ZNF407: variants seen among roughly 807,000 people sequenced by gnomAD.
ZNF407 encodes zinc finger protein 407.
A neutral mutation model predicts 131.2 loss-of-function variants in ZNF407; 17 were observed. The observed-to-expected ratio is 0.13, with a 90% CI of 0.09 to 0.19. The LOEUF (loss-of-function observed/expected upper bound fraction) is 0.19. Ranked by LOEUF, ZNF407 falls within the 10% of genes least tolerant of loss-of-function variation. ZNF407 has a pLI of 1.00. For missense variants in ZNF407, 2,681 were observed against 2,830.6 expected, an observed-to-expected ratio of 0.95 and a Z score of 1.20; for synonymous variants, 1,156 against 1,062.0, an observed-to-expected ratio of 1.09 and a Z score of -1.72.
intron 4 of ZNF407, among the ~76,000 whole-genome samples, chr18:74,795,221 C>T (rs921213542): frequency 6.6e-6 from 1 of 152,080 alleles, no homozygotes; most frequent in Non-Finnish European, 1.5e-5. Flanking sequence ...TGTGTAGGAG[C>T]TGATTTTATA....
At chr18:74,827,031 T>A (rs1568232405) in intron 4 of ZNF407, among the ~76,000 whole-genome samples, 1 of 152,220 alleles carries the variant, frequency 6.6e-6, no homozygotes, top group Non-Finnish European at 1.5e-5. Context: ...AGCAAAAGGA[T>A]CCAAGACCAG....
At chr18:74,689,416 G>A (rs1050776003) in intron 3 of ZNF407, among the ~76,000 whole-genome samples, 4 of 152,178 alleles carry the variant, frequency 2.6e-5, no homozygotes, top group African/African-American at 7.2e-5. Context: ...GTTAGCTTGC[G>A]AAGAGTCATT....
intron 4 of ZNF407, among the ~76,000 whole-genome samples, chr18:74,864,927 G>A (rs550183525): frequency 5.7e-4 from 87 of 152,260 alleles, no homozygotes; most frequent in African/African-American, 1.9e-3. Flanking sequence ...CCTATAATAT[G>A]GTGATTGTGT....
intron 3 of ZNF407, among the ~76,000 whole-genome samples, chr18:74,732,875 A>G (rs911248939): frequency 3.3e-5 from 5 of 152,140 alleles, no homozygotes; most frequent in Non-Finnish European, 7.4e-5. Flanking sequence ...TTCAATATTT[A>G]AAGTGTGTAA....
intron 3 of ZNF407, among the ~76,000 whole-genome samples, chr18:74,739,909 T>A (rs1968508979): frequency 6.6e-6 from 1 of 152,220 alleles, no homozygotes; most frequent in Non-Finnish European, 1.5e-5. Flanking sequence ...TGTTATTTCT[T>A]ACTTTGTCTT....
intron 3 of ZNF407, among the ~76,000 whole-genome samples, chr18:74,781,198 A>G (rs1264836827): frequency 6.6e-6 from 1 of 152,130 alleles, no homozygotes; most frequent in African/African-American, 2.4e-5. Context: ...TCTTTTGCTC[A>G]CTGTTAGTGT....
At chr18:75,022,256 A>G (rs960423420) in intron 8 of ZNF407, among the ~76,000 whole-genome samples, 7 of 152,174 alleles carry the variant, frequency 4.6e-5, no homozygotes, top group African/African-American at 1.7e-4. Context: ...CATTAACTTG[A>G]TGATGTGAAT....
At chr18:74,900,640 C>G (rs1265858630) in intron 7 of ZNF407, among the ~76,000 whole-genome samples, 1 of 152,100 alleles carries the variant, frequency 6.6e-6, no homozygotes, top group Non-Finnish European at 1.5e-5. Flanking sequence ...TTGCTAATGT[C>G]TCAGGTTTTT....
chr18:74,790,644 A>G (rs139396114), intron 4 of ZNF407, among the ~76,000 whole-genome samples: 2 of 152,326 alleles, frequency 1.3e-5, no homozygotes, highest in African/African-American at 4.8e-5. Context: ...ACTCCCAGTC[A>G]TTGCCAGAAT....
At chr18:74,707,186 A>G (rs536103133) in intron 3 of ZNF407, among the ~76,000 whole-genome samples, 2 of 152,240 alleles carry the variant, frequency 1.3e-5, no homozygotes, top group African/African-American at 4.8e-5. Context: ...CTGGACTTCA[A>G]GTGATCCGCC....
At position 74,633,366 on chromosome 18, in the gene ZNF407, A is replaced by G. The variant is rs1482967661; in HGVS notation, c.2347A>G (p.Asn783Asp). The change falls in exon 2 of 9, where the codon AAT becomes GAT. Residue 783 changes from asparagine (N) to aspartate (D), a missense_variant. Transcript: ENST00000299687. ...TATTGAAAGGGTATGTATAGGTGCA[A>G]ATGATAAAAAAGAAGAGTTTGATGT... ...ECIERVCIGA[N>D]DKKEEFDVSG... The G allele has an allele frequency of 3.1e-6, 5 of 1,613,834 alleles. No homozygotes were observed. Among genetic ancestry groups the G allele is most frequent in the Non-Finnish European group, 4.2e-6 (5 of 1,179,906 alleles).
At chr18:74,857,177 G>T (rs1428927641) in intron 4 of ZNF407, among the ~76,000 whole-genome samples, 1 of 152,182 alleles carries the variant, frequency 6.6e-6, no homozygotes, top group East Asian at 1.9e-4. Context: ...AGCGTTTCAT[G>T]TACACCAGCA....
At chr18:74,618,954 C>T (rs1983418490) in intron 1 of ZNF407, among the ~76,000 whole-genome samples, 1 of 152,144 alleles carries the variant, frequency 6.6e-6, no homozygotes, top group Admixed American at 6.5e-5. Context: ...TATAGAATTA[C>T]AGTGTTTCTC....
chr18:74,896,354 G>T (rs1316560289), intron 7 of ZNF407, among the ~76,000 whole-genome samples: 1 of 152,150 alleles, frequency 6.6e-6, no homozygotes, highest in African/African-American at 2.4e-5. Context: ...TATTGTAACT[G>T]CCAATCTAGT....
At chr18:74,666,250 G>T (rs1034594674) in intron 3 of ZNF407, among the ~76,000 whole-genome samples, 2 of 152,172 alleles carry the variant, frequency 1.3e-5, no homozygotes, top group African/African-American at 4.8e-5. Context: ...GGACATTTCT[G>T]TGGGCCAGGT....
chr18:74,608,200 A>G (rs911106075), intron 1 of ZNF407, among the ~76,000 whole-genome samples: 1 of 152,212 alleles, frequency 6.6e-6, no homozygotes, highest in African/African-American at 2.4e-5. Context: ...AAACCAGGCA[A>G]TTGGTAACAA....
intron 4 of ZNF407, among the ~76,000 whole-genome samples, chr18:74,848,654 T>G (rs1970735494): frequency 6.6e-6 from 1 of 152,238 alleles, no homozygotes; most frequent in Non-Finnish European, 1.5e-5. Flanking sequence ...CCTCAAGTTA[T>G]AACACTGATC....
chr18:74,736,454 C>T (rs899748304), intron 3 of ZNF407, among the ~76,000 whole-genome samples: 2 of 152,228 alleles, frequency 1.3e-5, no homozygotes, highest in South Asian at 2.1e-4. Flanking sequence ...TAGGTTTTAG[C>T]TTGCTTTAGA....
chr18:74,714,141 A>T (rs534702845), intron 3 of ZNF407, among the ~76,000 whole-genome samples: 3 of 152,242 alleles, frequency 2.0e-5, no homozygotes, highest in Non-Finnish European at 2.9e-5. Flanking sequence ...ATCGCTTATT[A>T]TAAAGAATAT....
Sources: allele counts gnomAD v4.1 joint callset (sites outside exome capture counted in the v4.1 genomes callset), GRCh38; gene constraint gnomAD v4.1.1; transcripts MANE v1.5; gene names NCBI Gene and HGNC (gene_info 2026-07-23, HGNC 2026-07-21).